Variants in ZMIZ2 observed in about 807,000 individuals in gnomAD.
ZMIZ2 encodes zinc finger MIZ-type containing 2, also known as zinc finger MIZ domain-containing protein 2.
ZMIZ2 carries 26 observed loss-of-function variants against 93.9 expected under a neutral mutation model. The observed-to-expected ratio is 0.28, with a 90% confidence interval of 0.20 to 0.38. The LOEUF (loss-of-function observed/expected upper bound fraction) is 0.38, where lower values mean the gene tolerates loss of function less well. ZMIZ2 is among the 10% of genes least tolerant of loss of function. The probability of loss-of-function intolerance (pLI) is 1.00; values close to 1 mark genes in which losing one functional copy is unlikely to be tolerated. For missense variants in ZMIZ2, 1,023 were observed against 1,235.0 expected (o/e 0.83, Z 2.57); for synonymous variants, 485 against 516.4 (o/e 0.94, Z 0.82).
In ZMIZ2 at chr7:44,764,226, C is replaced by G. The variant is rs558750894; in HGVS notation, c.1861-193C>G. ...TGCTTTGGCCACATGGCATTCCAGT[C>G]TCAGTGAGAGCTGTTTGGGCTGTTC... On this transcript the variant is annotated intron_variant, in intron 13 of 18. Coordinates refer to ENST00000309315, the MANE Select transcript of ZMIZ2 (RefSeq NM_031449.4). Among the ~76,000 whole-genome samples the G allele has an allele frequency of 2.2e-3, 341 of 152,328 alleles. 2 individuals carry two copies. The highest frequency in any genetic ancestry group is 3.9e-3 in the South Asian group (19 of 4,830).
chr7:44,764,589 G>A (rs1234767715), intron 14 of ZMIZ2, 103 bp downstream of exon 14: 1 of 1,328,462 alleles, frequency 7.5e-7, no homozygotes, highest in South Asian at 1.3e-5. Flanking sequence ...AGCCTGCTGG[G>A]AGGAGTCACT....
chr7:44,764,732 T>C (rs1224501908), intron 14 of ZMIZ2, among the ~76,000 whole-genome samples: 1 of 152,162 alleles, frequency 6.6e-6, no homozygotes, highest in Non-Finnish European at 1.5e-5. Flanking sequence ...CACCTCGTAT[T>C]TTCACCTCAC....
rs2116764144 is a variant in ZMIZ2, at chr7:44,759,339, T to G, written c.872T>G (p.Phe291Cys). Residue 291 changes from phenylalanine to cysteine, a missense_variant, in exon 7 of 19, where the codon TTT becomes TGT. Physicochemically the swap from Phe to Cys is radical, Grantham distance 205. Transcript: ENST00000309315. ...CAGTATGCACCCAGCACCGCCCAGT[T>G]TGCGCCCAGCCCTGGGCAGCCCCCT... is the stretch of plus-strand genomic sequence containing the variant. The part of the protein sequence containing the change: ...GGQYAPSTAQ[F>C]APSPGQPPAP... The G allele has an allele frequency of 6.2e-7, 1 of 1,604,534 alleles. No individual in the cohort carries two copies. Among genetic ancestry groups the G allele is most frequent in the East Asian group, 2.3e-5 (1 of 43,684 alleles).
Position 44,765,053 on chromosome 7 carries a change from A to T in ZMIZ2, c.1997+44A>T, listed in dbSNP as rs1265997858. 1 of 1,609,178 alleles carries T rather than the reference A, an allele frequency of 6.2e-7. No individual in the cohort carries two copies. Among genetic ancestry groups the T allele is most frequent in the Non-Finnish European group, 8.5e-7 (1 of 1,175,726 alleles). On this transcript the variant is annotated intron_variant, in intron 15 of 18. Coordinates refer to ENST00000309315, the MANE Select transcript of ZMIZ2 (RefSeq NM_031449.4). The surrounding 1 kb of genome is among the most constrained non-coding windows in gnomAD (Gnocchi z 4.1). Reference sequence around the variant, plus strand: ...TGATCCCTGCATCTGTGGCCACTGGAGGGCAGCCCCAGGACATGTCGGGGG... The same window carrying T: ...TGATCCCTGCATCTGTGGCCACTGGTGGGCAGCCCCAGGACATGTCGGGGG...
chr7:44,751,917 G>A (rs1380638208), intron 1 of ZMIZ2, among the ~76,000 whole-genome samples: 2 of 151,634 alleles, frequency 1.3e-5, no homozygotes, highest in African/African-American at 2.4e-5. Context: ...AGCCTAGATC[G>A]TGCCACTGCA....
chr7:44,754,169 C>T (rs1790392202), intron 1 of ZMIZ2, among the ~76,000 whole-genome samples: 6 of 152,196 alleles, frequency 3.9e-5, no homozygotes, highest in Admixed American at 3.9e-4. Context: ...GTTCCTCTGT[C>T]CCCCAACATC....
chr7:44,757,811 G>T lies in ZMIZ2; in HGVS notation c.553-37G>T, dbSNP rs758597675. The T allele has an allele frequency of 2.6e-6, 4 of 1,517,030 alleles. No homozygotes were observed. In the East Asian group the frequency reaches 9.1e-5, roughly 35 times the overall value. The allele number at this position is 1,517,030 out of a possible 1,614,324, so 94.0% of individuals were successfully genotyped here. A position where few individuals can be genotyped will look rare whatever the true frequency, so the allele number is the denominator to read the frequency against. ...GCCTATCTTTTGGAGCCCTTTGTGG[G>T]TGGGACCTGGACCATTCTTCTTTTT... On this transcript the variant is annotated intron_variant, in intron 5 of 18. Coordinates refer to ENST00000309315, the MANE Select transcript of ZMIZ2 (RefSeq NM_031449.4).
intron 13 of ZMIZ2, 88 bp from the exon 14 acceptor site, chr7:44,764,331 C>A: frequency 2.4e-6 from 3 of 1,261,804 alleles, no homozygotes; most frequent in Middle Eastern, 1.9e-4. Flanking sequence ...AAATAAGTCA[C>A]ACATTCCTGA....
chr7:44,765,669 G>T lies in ZMIZ2; in HGVS notation c.2242+90G>T, dbSNP rs773556529. 15 of 1,510,516 alleles carry T rather than the reference G, an allele frequency of 9.9e-6. No homozygotes were observed. The highest frequency in any genetic ancestry group is 1.3e-5 in the Non-Finnish European group (15 of 1,122,168). 93.6% of individuals were successfully genotyped at this position (1,510,516 alleles called of 1,614,324 possible). On this transcript the variant is annotated intron_variant, in intron 16 of 18. Transcript: ENST00000309315. The surrounding 1 kb of genome is among the most constrained non-coding windows in gnomAD (Gnocchi z 4.1). Reference sequence around the variant, plus strand: ...CAGTCTCCTCACCTGCAAGAATGTGGCTATGCAGGTCACACACCTAGGTTA... The same window carrying T: ...CAGTCTCCTCACCTGCAAGAATGTGTCTATGCAGGTCACACACCTAGGTTA...
intron 1 of ZMIZ2, among the ~76,000 whole-genome samples, chr7:44,754,367 C>T (rs1412481893): frequency 1.3e-5 from 2 of 152,170 alleles, no homozygotes; most frequent in Admixed American, 1.3e-4. Context: ...AGGGGAGGAG[C>T]CTATGGGCTG....
chr7:44,765,111 T>C lies in ZMIZ2; in HGVS notation c.1997+102T>C. 2.0e-6 allele frequency: 3 copies of C among 1,528,622 alleles called. No homozygotes were observed. Among genetic ancestry groups the C allele is most frequent in the South Asian group, 2.3e-5 (2 of 85,354 alleles). 94.7% of individuals were successfully genotyped at this position (1,528,622 alleles called of 1,614,324 possible). On this transcript the variant is annotated intron_variant, in intron 15 of 18. Coordinates refer to ENST00000309315, the MANE Select transcript of ZMIZ2 (RefSeq NM_031449.4). This position sits in a 1 kb window ranked among gnomAD's most constrained non-coding sequence, Gnocchi z 4.1. Reference sequence around the variant, plus strand: ...TTGCCAAGTGCAGCCTTCCAGCCTTTTTCCGGCATGGAGCAGGCTGGATTC... The same window carrying C: ...TTGCCAAGTGCAGCCTTCCAGCCTTCTTCCGGCATGGAGCAGGCTGGATTC...
Position 44,759,352 on chromosome 7 carries a change from TG to T in ZMIZ2, c.888del (p.Gln297SerfsTer20). On this transcript the variant is annotated frameshift_variant, in exon 7 of 19. Transcript: ENST00000309315. LOFTEE classifies it high-confidence loss of function. ...GCACCGCCCAGTTTGCGCCCAGCCC[TG>T]GGCAGCCCCCTGCCCCCTCCCCTTC... The part of the protein sequence containing the change: ...PSTAQFAPSP[G>X]QPPAPSPSYP... 6.2e-7 allele frequency: 1 copy of T among 1,605,682 alleles called. No homozygotes were observed. Among genetic ancestry groups the T allele is most frequent in the Non-Finnish European group, 8.5e-7 (1 of 1,176,322 alleles).
Position 44,757,145 on chromosome 7 carries a change from A to G in ZMIZ2, c.364A>G (p.Thr122Ala), listed in dbSNP as rs761272930. The change falls in exon 4 of 19, where the codon ACC becomes GCC. Residue 122 changes from threonine to alanine, a missense_variant. Physicochemically the swap from Thr to Ala is moderately conservative, Grantham distance 58. Transcript: ENST00000309315. ...CTACCCTGGGGCCCCCGGCTTCACC[A>G]CCGGGTAAGCAAGTTCCCTCACCTG... ...GGYPGAPGFTTGYAGGPGGLG... is the reference protein window; with the variant it reads ...GGYPGAPGFTAGYAGGPGGLG... The G allele has an allele frequency of 1.4e-5, 22 of 1,595,976 alleles. 1 individual carries two copies. Among genetic ancestry groups the G allele is most frequent in the Middle Eastern group, 3.7e-4 (2 of 5,380 alleles).
chr7:44,765,792 A>C lies in ZMIZ2; in HGVS notation c.2242+213A>C. 1.0e-6 allele frequency: 1 copy of C among 1,000,076 alleles called. No individual in the cohort carries two copies. Among genetic ancestry groups the C allele is most frequent in the Non-Finnish European group, 1.4e-6 (1 of 706,936 alleles). 62.0% of individuals were successfully genotyped at this position (1,000,076 alleles called of 1,614,324 possible). ...CACAGTCTCAGCTATGGTCCCAGGA[A>C]ACAGACAGTGGGGCCTCCACCCTTC... On this transcript the variant is annotated intron_variant, in intron 16 of 18. Coordinates refer to ENST00000309315, the MANE Select transcript of ZMIZ2 (RefSeq NM_031449.4). This position sits in a 1 kb window ranked among gnomAD's most constrained non-coding sequence, Gnocchi z 4.1.
chr7:44,761,406 G>A lies in ZMIZ2; in HGVS notation c.1241-43G>A, dbSNP rs3812254. Reference sequence around the variant, plus strand: ...CTCCTTGAGTGACACAAGACGCTCTGGCTGGGGCAACCCAGCTCACAGCCA... The same window carrying A: ...CTCCTTGAGTGACACAAGACGCTCTAGCTGGGGCAACCCAGCTCACAGCCA... On this transcript the variant is annotated intron_variant, in intron 9 of 18. Coordinates refer to ENST00000309315, the MANE Select transcript of ZMIZ2 (RefSeq NM_031449.4). This position sits in a 1 kb window ranked among gnomAD's most constrained non-coding sequence, Gnocchi z 5.8. 362 of 1,601,572 alleles carry A rather than the reference G, an allele frequency of 2.3e-4. 5 individuals carry two copies. In the East Asian group the frequency reaches 7.2e-3, roughly 32 times the overall value.
In ZMIZ2 at chr7:44,756,411, C is replaced by T. The variant is rs779601385; in HGVS notation, c.51-14C>T. ...GCTTCCTGACCCAGGCCTCAGCAGC[C>T]TCTTTCCCTGCAGTGATGGTTCATT... On this transcript the variant is annotated splice_polypyrimidine_tract_variant and intron_variant, in intron 2 of 18. Coordinates refer to ENST00000309315, the MANE Select transcript of ZMIZ2 (RefSeq NM_031449.4). 6.2e-7 allele frequency: 1 copy of T among 1,614,016 alleles called. No homozygotes were observed. The highest frequency in any genetic ancestry group is 1.3e-5 in the African/African-American group (1 of 75,056).
At chr7:44,754,431 C>T (rs1790420329) in intron 1 of ZMIZ2, among the ~76,000 whole-genome samples, 1 of 152,154 alleles carries the variant, frequency 6.6e-6, no homozygotes, top group Non-Finnish European at 1.5e-5. Flanking sequence ...ACACTGCCCT[C>T]TCCCTCTTCC....
chr7:44,767,365 G>T, intron 18 of ZMIZ2, 151 bp from the exon 19 acceptor site: 1 of 697,444 alleles, frequency 1.4e-6, no homozygotes, highest in Non-Finnish European at 2.5e-6. Flanking sequence ...CAGGCCTATG[G>T]TGGGGCCCCG....
intron 1 of ZMIZ2, 60 bp downstream of exon 1, chr7:44,749,051 CG>C (rs2116545245): frequency 6.6e-6 from 1 of 152,396 alleles, no homozygotes; most frequent in Non-Finnish European, 1.5e-5. Context: ...TGTGGGCCGG[CG>C]GGGGCAGGCA....
Sources: allele counts gnomAD v4.1 joint callset (sites outside exome capture counted in the v4.1 genomes callset), GRCh38; gene constraint gnomAD v4.1.1; non-coding constraint Gnocchi (gnomAD v3.1); transcripts MANE v1.5; gene names NCBI Gene and HGNC (gene_info 2026-07-23, HGNC 2026-07-21).